HMBOX1: variants seen among roughly 807,000 people sequenced by gnomAD.
HMBOX1 encodes the protein homeobox-containing protein 1.
In HMBOX1, 14 loss-of-function variants were observed where a neutral mutation model predicts 54.5. The observed-to-expected ratio is 0.26, with a 90% CI of 0.17 to 0.40. The LOEUF is 0.40. Among genes scored for constraint, HMBOX1 ranks in the 10% least tolerant of loss-of-function variants. The probability of loss-of-function intolerance (pLI) is 1.00; values close to 1 mark genes in which losing one functional copy is unlikely to be tolerated. For synonymous variants in HMBOX1, 160 were observed against 181.0 expected (o/e 0.88, Z 0.93); for missense variants, 332 against 514.4 (o/e 0.65, Z 3.43).
intron 1 of HMBOX1, among the ~76,000 whole-genome samples, chr8:28,907,482 T>C (rs1387674645): frequency 6.6e-6 from 1 of 152,262 alleles, no homozygotes; most frequent in Non-Finnish European, 1.5e-5. Flanking sequence ...TAGATATGTA[T>C]TGATTTTTGA....
At chr8:28,892,326 G>A (rs1811173072) in intron 1 of HMBOX1, among the ~76,000 whole-genome samples, 1 of 152,034 alleles carries the variant, frequency 6.6e-6, no homozygotes, top group Non-Finnish European at 1.5e-5. Flanking sequence ...TTCAATTAGA[G>A]TTAAAAAGGA....
intron 1 of HMBOX1, among the ~76,000 whole-genome samples, chr8:28,946,130 T>A (rs1242512813): frequency 6.6e-6 from 1 of 151,698 alleles, no homozygotes; most frequent in Non-Finnish European, 1.5e-5. Context: ...TTTTCGTATT[T>A]TTAGTAGAGA....
At chr8:29,002,107 CA>C (rs1262731788) in intron 4 of HMBOX1, among the ~76,000 whole-genome samples, 1 of 152,106 alleles carries the variant, frequency 6.6e-6, no homozygotes. Context: ...TGTTTTGGTT[CA>C]GGGGGGTCTC....
intron 1 of HMBOX1, among the ~76,000 whole-genome samples, chr8:28,918,964 T>C (rs1045302506): frequency 1.3e-5 from 2 of 152,224 alleles, no homozygotes; most frequent in African/African-American, 4.8e-5. Flanking sequence ...AAAGTATTTC[T>C]TTATACTATC....
Position 29,034,956 on chromosome 8 carries a change from A to C in HMBOX1, c.852-10405A>C, listed in dbSNP as rs185638523. 7.7e-4 allele frequency among the ~76,000 whole-genome samples: 117 copies of C among 152,332 alleles called. 1 individual carries two copies. The highest frequency in any genetic ancestry group is 1.5e-3 in the Non-Finnish European group (105 of 68,026). On this transcript the variant is annotated intron_variant, in intron 6 of 9. Transcript: ENST00000287701. ...ACCTAAAACAGCAGCAAACCTAAGA[A>C]AAAAGAAGTAGAAGTCTAGGTTTAA...
At chr8:28,935,010 A>G (rs1333697120) in intron 1 of HMBOX1, among the ~76,000 whole-genome samples, 2 of 152,232 alleles carry the variant, frequency 1.3e-5, no homozygotes, top group Non-Finnish European at 2.9e-5. Flanking sequence ...GGAAAGCACA[A>G]TAACATTGCC....
chr8:29,026,415 T>C (rs372555778), intron 6 of HMBOX1, among the ~76,000 whole-genome samples: 95 of 152,078 alleles, frequency 6.2e-4, no homozygotes, highest in African/African-American at 2.2e-3. Context: ...CTTTTTGGGG[T>C]GATGAAGATT....
intron 5 of HMBOX1, among the ~76,000 whole-genome samples, chr8:29,017,838 G>A (rs751273304): frequency 6.6e-6 from 1 of 152,090 alleles, no homozygotes; most frequent in Non-Finnish European, 1.5e-5. Flanking sequence ...AATAAAGAGA[G>A]TATTAATTCT....
chr8:29,050,122 A>G (rs768158604), intron 9 of HMBOX1: 14 of 385,542 alleles, frequency 3.6e-5, no homozygotes, highest in Non-Finnish European at 5.0e-5. Flanking sequence ...GTCTACCCAC[A>G]TAGATGGATC....
At chr8:29,000,277 T>G (rs1832449615) in intron 4 of HMBOX1, among the ~76,000 whole-genome samples, 1 of 152,214 alleles carries the variant, frequency 6.6e-6, no homozygotes, top group Admixed American at 6.5e-5. Flanking sequence ...TAATTCTGCG[T>G]AAACCTTCAC....
intron 3 of HMBOX1, among the ~76,000 whole-genome samples, chr8:28,975,213 A>G (rs548605859): frequency 6.6e-6 from 1 of 152,228 alleles, no homozygotes; most frequent in South Asian, 2.1e-4. Context: ...GTGCTGAAGG[A>G]CTAAGGACTT....
intron 9 of HMBOX1, 144 bp downstream of exon 9, chr8:29,049,192 T>A (rs1369776196): frequency 1.3e-6 from 2 of 1,495,334 alleles, no homozygotes; most frequent in Non-Finnish European, 9.0e-7. Flanking sequence ...TCTAGTTAGA[T>A]TTCATGTAAT....
At chr8:28,922,230 T>A (rs1817677491) in intron 1 of HMBOX1, among the ~76,000 whole-genome samples, 1 of 152,230 alleles carries the variant, frequency 6.6e-6, no homozygotes, top group Non-Finnish European at 1.5e-5. Context: ...ATTTACATTG[T>A]ATTAGATAGT....
At chr8:28,912,757 G>A (rs922176308) in intron 1 of HMBOX1, among the ~76,000 whole-genome samples, 2 of 152,118 alleles carry the variant, frequency 1.3e-5, no homozygotes, top group African/African-American at 2.4e-5. Context: ...CCATAAGCAA[G>A]CTCATCTACC....
At chr8:28,944,793 T>G (rs894527531) in intron 1 of HMBOX1, among the ~76,000 whole-genome samples, 1 of 152,224 alleles carries the variant, frequency 6.6e-6, no homozygotes, top group Non-Finnish European at 1.5e-5. Context: ...GCTTTGATTC[T>G]TTTTCTCAAA....
chr8:29,028,876 T>G (rs1410309930), intron 6 of HMBOX1, among the ~76,000 whole-genome samples: 1 of 152,238 alleles, frequency 6.6e-6, no homozygotes, highest in Non-Finnish European at 1.5e-5. Flanking sequence ...CCTGCCCTAT[T>G]TTCCTAGTGT....
chr8:28,974,253 A>G (rs1828012398), intron 3 of HMBOX1, among the ~76,000 whole-genome samples: 2 of 152,234 alleles, frequency 1.3e-5, no homozygotes, highest in Non-Finnish European at 2.9e-5. Context: ...TTACGATATG[A>G]ATTTAACAGA....
intron 1 of HMBOX1, among the ~76,000 whole-genome samples, chr8:28,937,026 G>T (rs1820524497): frequency 6.6e-6 from 1 of 152,102 alleles, no homozygotes; most frequent in African/African-American, 2.4e-5. Context: ...AAAATCAGCT[G>T]TCATCATCTT....
chr8:28,924,100 T>TG (rs1399938290), intron 1 of HMBOX1, among the ~76,000 whole-genome samples: 1 of 147,514 alleles, frequency 6.8e-6, no homozygotes, highest in East Asian at 2.6e-4. Flanking sequence ...TGGACATAAG[T>TG]GTTTTTTTTT....
Sources: allele counts gnomAD v4.1 joint callset (sites outside exome capture counted in the v4.1 genomes callset), GRCh38; gene constraint gnomAD v4.1.1; transcripts MANE v1.5; gene names NCBI Gene and HGNC (gene_info 2026-07-23, HGNC 2026-07-21).